The following STRA6 variants were observed in gnomAD, a reference collection of about 807,000 sequenced individuals.
The protein encoded by STRA6 is signaling receptor and transporter of retinol STRA6.
In STRA6, 48 loss-of-function variants were observed where a neutral mutation model predicts 83.6. The observed-to-expected ratio is 0.57, with a 90% CI of 0.46 to 0.73. The LOEUF is 0.73. Ranked by LOEUF, STRA6 falls within the 30% of genes least tolerant of loss-of-function variation. The probability of loss-of-function intolerance (pLI) is 0.00; values close to 1 mark genes in which losing one functional copy is unlikely to be tolerated. For missense variants in STRA6, 760 were observed against 838.8 expected (o/e 0.91, Z 1.16); for synonymous variants, 353 against 362.3 (o/e 0.97, Z 0.29).
rs549949806 is a variant in STRA6, at chr15:74,192,045, C to G, written c.721-554G>C. On this transcript the variant is annotated intron_variant, in intron 8 of 18. Transcript: ENST00000395105. ...ATGGGAAGATGGGGTGAGCCCCTGC[C>G]TGGAATCACTGGGAGAACACAGGCT... 13 of 169,454 alleles carry G rather than the reference C, an allele frequency of 7.7e-5. No homozygotes were observed. The East Asian group carries it at 2.0e-3, about 26-fold the overall frequency. 10.5% of individuals were successfully genotyped at this position (169,454 alleles called of 1,614,324 possible).
At position 74,180,166 on chromosome 15, in the gene STRA6, C is replaced by A; in HGVS notation, c.1918G>T (p.Gly640Cys). ...TTGTGCAGCAGCGTGTAGGCCAGAC[C>A]CCAGCGAGCCCTGCCGCGGCTGGCC... is the stretch of plus-strand genomic sequence containing the variant. ...PGASRGRARW[G>C]LAYTLLHNPT... Residue 640 changes from glycine to cysteine, a missense_variant, in exon 19 of 19, where the codon GGT becomes TGT. Gly to Cys is a radical substitution (Grantham distance 159, BLOSUM62 -3). Coordinates refer to ENST00000395105, the MANE Select transcript of STRA6 (RefSeq NM_022369.4). The A allele has an allele frequency of 9.3e-6, 15 of 1,613,976 alleles. No individual in the cohort carries two copies. Among genetic ancestry groups the A allele is most frequent in the Non-Finnish European group, 1.1e-5 (13 of 1,180,002 alleles).
chr15:74,191,685 C>A, intron 8 of STRA6, 194 bp from the exon 9 acceptor site: 1 of 635,150 alleles, frequency 1.6e-6, no homozygotes. Flanking sequence ...CCTTTTCTCT[C>A]TCACAAATAC....
rs971756 is a variant in STRA6, at chr15:74,195,628, A to T, written c.430+24T>A. On this transcript the variant is annotated intron_variant, in intron 6 of 18. Coordinates refer to ENST00000395105, the MANE Select transcript of STRA6 (RefSeq NM_022369.4). ...CAAATCCAGGCTCTGACTAGTCTCA[A>T]CTCTGTGATCTTGGGCAAGTTACCT... The T allele has an allele frequency of 0.18, 284,954 of 1,543,242 alleles. 30,271 individuals are homozygous for T. Among genetic ancestry groups the T allele is most frequent in the Non-Finnish European group, 0.21 (243,543 of 1,139,396 alleles).
At chr15:74,202,398 C>T (rs751053052) in intron 1 of STRA6, 116 bp from the exon 2 acceptor site, 1 of 1,542,444 alleles carries the variant, frequency 6.5e-7, no homozygotes, top group African/African-American at 1.4e-5. Context: ...TCTCTTTAAT[C>T]CTGAAGGTTA....
upstream of STRA6, chr15:74,207,582 G>T: frequency 9.7e-7 from 1 of 1,026,256 alleles, no homozygotes; most frequent in Non-Finnish European, 1.4e-6. Context: ...GAGTCCAGCA[G>T]CAAACCCAAT....
rs370815821 is a variant in STRA6 at position 74,208,004 on chromosome 15, GC to G, written c.-16+795del. On this transcript the variant is annotated intron_variant, in intron 1 of 18. Transcript: ENST00000323940. ...GAGGGTCAGAAGCACCATCTGATGT[GC>G]CCTTCCTGCAATTCTCATGCCCCCC... 67 of 1,395,398 alleles carry G rather than the reference GC, an allele frequency of 4.8e-5. No homozygotes were observed. The East Asian group carries it at 8.4e-4, about 17-fold the overall frequency. The allele number at this position is 1,395,398 out of a possible 1,614,324, so 86.4% of individuals were successfully genotyped here.
upstream of STRA6, chr15:74,209,039 C>A (rs891794702): frequency 8.6e-7 from 1 of 1,160,672 alleles, no homozygotes; most frequent in Non-Finnish European, 1.1e-6. Context: ...CTGCTCCTCC[C>A]GGAAGGCAGC....
upstream of STRA6, chr15:74,202,881 C>T (rs1488624885): frequency 1.5e-5 from 15 of 1,008,498 alleles, no homozygotes; most frequent in Non-Finnish European, 2.4e-6. Flanking sequence ...TGGAAATACA[C>T]CATAATCCTT....
At chr15:74,189,062 C>A in intron 12 of STRA6, 53 bp downstream of exon 12, 1 of 1,606,900 alleles carries the variant, frequency 6.2e-7, no homozygotes, top group Non-Finnish European at 8.5e-7. Context: ...GACCTTGGGT[C>A]TCCCCGCTTT....
At chr15:74,202,406 T>C in intron 1 of STRA6, 124 bp from the exon 2 acceptor site, 2 of 1,538,944 alleles carry the variant, frequency 1.3e-6, no homozygotes, top group Non-Finnish European at 1.7e-6. Flanking sequence ...ATCCTGAAGG[T>C]TACTTTCTTA....
chr15:74,205,299 T>G (rs1279519322), upstream of STRA6, among the ~76,000 whole-genome samples: 1 of 152,150 alleles, frequency 6.6e-6, no homozygotes, highest in Non-Finnish European at 1.5e-5. Context: ...GGGGTTTATG[T>G]GGCTCACAGT....
chr15:74,202,096 C>T (rs1246400539), intron 2 of STRA6, 59 bp downstream of exon 2: 1 of 1,411,442 alleles, frequency 7.1e-7, no homozygotes, highest in Non-Finnish European at 9.2e-7. Flanking sequence ...CAGTTGCAAC[C>T]TCTGCCATCA....
At position 74,195,473 on chromosome 15, in the gene STRA6, A is replaced by C. The variant is rs2073766711; in HGVS notation, c.431-5T>G. The C allele has an allele frequency of 6.2e-7, 1 of 1,612,444 alleles. No homozygotes were observed. The highest frequency in any genetic ancestry group is 1.3e-5 in the African/African-American group (1 of 74,874). ...GTCCCAGTATCTTCCAGGCCCCTGGAAGGTGAAACAAGCAGAGAGACCCAT... is the reference window on the plus strand; with the variant it reads ...GTCCCAGTATCTTCCAGGCCCCTGGCAGGTGAAACAAGCAGAGAGACCCAT... On this transcript the variant is annotated splice_region_variant and splice_polypyrimidine_tract_variant and intron_variant, in intron 6 of 18. Coordinates refer to ENST00000395105, the MANE Select transcript of STRA6 (RefSeq NM_022369.4).
In STRA6 at chr15:74,193,845, C is replaced by T. The variant is rs765052197; in HGVS notation, c.675G>A (p.Val225=). The part of the protein sequence containing the change: ...GLGFLSLWYP[V]QLVRSFSRRT... ...TACGGCTGAAGCTTCTCACCAGCTG[C>T]ACAGGGTACCAAAGGCTCAGGAATC... The change falls in exon 8 of 19, where the codon GTG becomes GTA. Residue 225 remains valine (V), a synonymous_variant. Coordinates refer to ENST00000395105, the MANE Select transcript of STRA6 (RefSeq NM_022369.4). 2.5e-6 allele frequency: 4 copies of T among 1,613,880 alleles called. No individual in the cohort carries two copies. The Admixed American group carries it at 6.7e-5, about 27-fold the overall frequency.
chr15:74,181,853 G>A (rs1250508518), intron 16 of STRA6, among the ~76,000 whole-genome samples: 1 of 152,160 alleles, frequency 6.6e-6, no homozygotes, highest in Non-Finnish European at 1.5e-5. Context: ...GAACTCCCTT[G>A]CTACAAAGTG....
At chr15:74,181,757 C>G (rs2073003945) in intron 16 of STRA6, among the ~76,000 whole-genome samples, 1 of 152,250 alleles carries the variant, frequency 6.6e-6, no homozygotes, top group East Asian at 1.9e-4. Context: ...CTGATGCCTC[C>G]CACCTCCCTT....
intron 11 of STRA6, among the ~76,000 whole-genome samples, chr15:74,189,915 G>A (rs76663673): frequency 6.6e-6 from 1 of 152,148 alleles, no homozygotes; most frequent in Non-Finnish European, 1.5e-5. Flanking sequence ...GCCCGCCTCA[G>A]CCTCCCAAAG....
At chr15:74,198,249 G>T (rs1223523705) in intron 2 of STRA6, among the ~76,000 whole-genome samples, 1 of 151,978 alleles carries the variant, frequency 6.6e-6, no homozygotes. Context: ...TGGGACCACA[G>T]GTGTGCACCA....
At chr15:74,192,869 C>T (rs2073616473) in intron 8 of STRA6, among the ~76,000 whole-genome samples, 1 of 152,208 alleles carries the variant, frequency 6.6e-6, no homozygotes, top group Admixed American at 6.5e-5. Flanking sequence ...ACAGTCCCAA[C>T]ACCCGGTGCA....
Sources: allele counts gnomAD v4.1 joint callset (sites outside exome capture counted in the v4.1 genomes callset), GRCh38; gene constraint gnomAD v4.1.1; transcripts MANE v1.5; gene names NCBI Gene and HGNC (gene_info 2026-07-23, HGNC 2026-07-21).